Variants in WDR44 observed in about 807,000 individuals in gnomAD.
WDR44 encodes WD repeat-containing protein 44.
Under a neutral mutation model 65.7 loss-of-function variants are expected in WDR44, and 9 were observed. The ratio of observed to expected loss-of-function variants is 0.14; its 90% CI spans 0.08 to 0.24. The LOEUF is 0.24. Among genes scored for constraint, WDR44 ranks in the 10% least tolerant of loss-of-function variants. The pLI, the probability that WDR44 is intolerant of heterozygous loss-of-function variation, is 1.00. For synonymous variants in WDR44, 220 were observed against 235.2 expected (o/e 0.94, Z 0.59); for missense variants, 425 against 670.9 (o/e 0.63, Z 4.05).
chrX:118,394,020 G>C (rs776528870), intron 4 of WDR44, 35 bp from the exon 5 acceptor site: 1 of 1,161,404 alleles, frequency 8.6e-7, no homozygotes, highest in Non-Finnish European at 1.2e-6. Context: ...AAACAAAAAG[G>C]GTTGTTATTA....
At chrX:118,366,604 A>G (rs1180307343) in intron 1 of WDR44, among the ~76,000 whole-genome samples, 1 of 110,946 alleles carries the variant, frequency 9.0e-6, no homozygotes, top group Non-Finnish European at 1.9e-5. Context: ...ACCGTATTTG[A>G]TTGATATAAA....
Position 118,424,321 on chromosome X carries a change from GTGTATATATA to G in WDR44, c.1738-8458_1738-8449del, listed in dbSNP as rs1188985918. On this transcript the variant is annotated intron_variant, in intron 12 of 19. Transcript: ENST00000254029. ...TGTGTATATATATATATGTGTGTGTGTGTATATATATATATATATATATATATGTATATAT... is the reference window on the plus strand; with the variant it reads ...TGTGTATATATATATATGTGTGTGTGTATATATATATATATATGTATATAT... 5.4e-3 allele frequency among the ~76,000 whole-genome samples: 341 copies of G among 63,443 alleles called. 4 individuals are homozygous for G. The highest frequency in any genetic ancestry group is 0.049 in the African/African-American group (322 of 6,601). The allele number at this position is 63,443 out of a possible 115,157, so 55.1% of individuals were successfully genotyped here. A position where few individuals can be genotyped will look rare whatever the true frequency, so the allele number is the denominator to read the frequency against.
chrX:118,372,135 T>C (rs931063618), intron 1 of WDR44, among the ~76,000 whole-genome samples: 17 of 110,319 alleles, frequency 1.5e-4, no homozygotes, highest in Non-Finnish European at 2.6e-4. Context: ...ATAATATATT[T>C]CAAATTTAAG....
At position 118,409,430 on chromosome X, in the gene WDR44, A is replaced by G. The variant is rs1349258859; in HGVS notation, c.1534-59A>G. The G allele has an allele frequency of 4.3e-6, 5 of 1,164,828 alleles. No individual in the cohort carries two copies. In the African/African-American group the frequency reaches 9.1e-5, roughly 21 times the overall value. ...CAGACGTGAGCCACCATGCCAGGCCAAAAGTAAAGTCTCTAAAGGTGTAAA... is the reference window on the plus strand; with the variant it reads ...CAGACGTGAGCCACCATGCCAGGCCGAAAGTAAAGTCTCTAAAGGTGTAAA... On this transcript the variant is annotated intron_variant, in intron 10 of 19. Coordinates refer to ENST00000254029, the MANE Select transcript of WDR44 (RefSeq NM_019045.5).
At chrX:118,420,902 CT>C (rs1357720937) in intron 12 of WDR44, among the ~76,000 whole-genome samples, 1 of 112,229 alleles carries the variant, frequency 8.9e-6, no homozygotes, top group African/African-American at 3.2e-5. Context: ...GTTAGTCTCC[CT>C]GGCTAGGCTC....
At chrX:118,377,233 G>A (rs1217582152) in intron 1 of WDR44, among the ~76,000 whole-genome samples, 1 of 110,035 alleles carries the variant, frequency 9.1e-6, no homozygotes, top group Non-Finnish European at 1.9e-5. Context: ...GGTGGCGCAT[G>A]CCTGTAGTCC....
chrX:118,374,079 C>T (rs1157745531), intron 1 of WDR44, among the ~76,000 whole-genome samples: 1 of 109,816 alleles, frequency 9.1e-6, no homozygotes, highest in Non-Finnish European at 1.9e-5. Flanking sequence ...CTAATGCTAT[C>T]CCTCCCCTAG....
chrX:118,423,726 G>T (rs2057125006), intron 12 of WDR44, among the ~76,000 whole-genome samples: 1 of 111,790 alleles, frequency 8.9e-6, no homozygotes, highest in African/African-American at 3.3e-5. Context: ...TTTTGAAAGT[G>T]AAACTTTGTA....
At chrX:118,431,824 G>C (rs2057214142) in intron 12 of WDR44, among the ~76,000 whole-genome samples, 1 of 111,822 alleles carries the variant, frequency 8.9e-6, no homozygotes, top group Non-Finnish European at 1.9e-5. Context: ...TGGTTCTGCT[G>C]TTCACAGGTG....
Position 118,446,261 on chromosome X carries a change from G to A in WDR44, c.2647+1767G>A, listed in dbSNP as rs2057345565. Among the ~76,000 whole-genome samples, 3 of 109,774 alleles carry A rather than the reference G, an allele frequency of 2.7e-5. No individual in the cohort carries two copies. In the South Asian group the frequency reaches 1.2e-3, roughly 43 times the overall value. On this transcript the variant is annotated intron_variant, in intron 19 of 19. Transcript: ENST00000254029. ...GATTGCACCACTGTACTCCAGTCTG[G>A]GTGACACAGCAAGACTCTGTCTAAA...
chrX:118,362,492 A>G (rs1175872940), intron 1 of WDR44, among the ~76,000 whole-genome samples: 1 of 111,709 alleles, frequency 9.0e-6, no homozygotes, highest in Non-Finnish European at 1.9e-5. Flanking sequence ...TCTAAGCCAA[A>G]AAATAATGAA....
rs1371743385 is a variant in WDR44, at chrX:118,443,481, A to G, written c.2385-79A>G. On this transcript the variant is annotated intron_variant, in intron 17 of 19. Coordinates refer to ENST00000254029, the MANE Select transcript of WDR44 (RefSeq NM_019045.5). ...AGTGTTATTTTAGGTATCACAAAGT[A>G]GGAAGCACTGATAAAGGAAACCTTT... 5.6e-5 allele frequency: 61 copies of G among 1,096,512 alleles called. No homozygotes were observed. In the South Asian group the frequency reaches 1.2e-3, roughly 22 times the overall value. The allele number at this position is 1,096,512 out of a possible 1,213,427, so 90.4% of individuals were successfully genotyped here.
intron 2 of WDR44, among the ~76,000 whole-genome samples, chrX:118,384,790 T>A (rs770596617): frequency 5.3e-5 from 6 of 112,176 alleles, no homozygotes; most frequent in Admixed American, 9.5e-5. Flanking sequence ...TTTAACGATA[T>A]TGATTCTTCC....
intron 12 of WDR44, among the ~76,000 whole-genome samples, chrX:118,426,792 G>GA (rs1322222572): frequency 9.2e-6 from 1 of 109,240 alleles, no homozygotes; most frequent in Admixed American, 9.8e-5. Context: ...GAATAATCAA[G>GA]AAAAAATAAA....
chrX:118,425,515 G>A (rs1025999422), intron 12 of WDR44, among the ~76,000 whole-genome samples: 1 of 110,340 alleles, frequency 9.1e-6, no homozygotes. Flanking sequence ...GGGTGTGGTG[G>A]CAGGTGCCTG....
At chrX:118,374,642 C>T (rs903720190) in intron 1 of WDR44, among the ~76,000 whole-genome samples, 2 of 111,662 alleles carry the variant, frequency 1.8e-5, no homozygotes, top group Non-Finnish European at 3.8e-5. Context: ...TGTTCCCTGT[C>T]GTTAAATGTG....
At chrX:118,406,304 A>G (rs1189510726) in intron 9 of WDR44, among the ~76,000 whole-genome samples, 1 of 111,196 alleles carries the variant, frequency 9.0e-6, no homozygotes, top group Non-Finnish European at 1.9e-5. Context: ...GATGGCTCAT[A>G]TCTGTAATCC....
chrX:118,424,327 ATATATATATATATATATATATG>A (rs1209416476), intron 12 of WDR44, among the ~76,000 whole-genome samples: 2 of 77,939 alleles, frequency 2.6e-5, no homozygotes, highest in East Asian at 4.0e-4. Flanking sequence ...GTGTGTGTAT[ATATATATATATATATATATATG>A]TATATATATA....
intron 11 of WDR44, among the ~76,000 whole-genome samples, chrX:118,410,526 A>T (rs1029924565): frequency 1.8e-5 from 2 of 111,521 alleles, no homozygotes; most frequent in Admixed American, 9.6e-5. Flanking sequence ...CCCTGCCAAG[A>T]GCAAAAAGAC....
Sources: gnomAD v4.1 joint callset for allele counts (sites outside exome capture counted in the v4.1 genomes callset) on GRCh38, gnomAD v4.1.1 for gene constraint, MANE v1.5 for transcripts, NCBI Gene and HGNC (gene_info 2026-07-23, HGNC 2026-07-21) for gene names.